MYO1D: variants seen among roughly 807,000 people sequenced by gnomAD.
The protein encoded by MYO1D is myosin ID.
A neutral mutation model predicts 122.0 loss-of-function variants in MYO1D; 83 were observed. The observed-to-expected ratio is 0.68, with a 90% CI of 0.57 to 0.82. The LOEUF is 0.82. Among genes scored for constraint, MYO1D ranks in the 40% least tolerant of loss-of-function variants. The pLI is 0.00. For synonymous variants in MYO1D, 464 were observed against 446.9 expected (o/e 1.04, Z -0.48); for missense variants, 1,157 against 1,269.5 (o/e 0.91, Z 1.35).
intron 10 of MYO1D, among the ~76,000 whole-genome samples, chr17:32,756,802 C>T (rs1044203839): frequency 6.6e-6 from 1 of 151,964 alleles, no homozygotes; most frequent in African/African-American, 2.4e-5. Context: ...CCTTTACTTC[C>T]ACAAGGTGAA....
At chr17:32,608,387 G>T (rs535439175) in intron 20 of MYO1D, among the ~76,000 whole-genome samples, 2 of 152,300 alleles carry the variant, frequency 1.3e-5, no homozygotes, top group Admixed American at 1.3e-4. Context: ...CTCAACATCA[G>T]CAGCCATTAG....
intron 16 of MYO1D, among the ~76,000 whole-genome samples, chr17:32,705,619 G>A (rs2089297638): frequency 2.0e-5 from 3 of 152,174 alleles, no homozygotes; most frequent in African/African-American, 7.2e-5. Context: ...GATAGTGGAA[G>A]ACTATACATT....
chr17:32,727,349 G>A (rs1314218810), intron 14 of MYO1D, among the ~76,000 whole-genome samples: 2 of 152,230 alleles, frequency 1.3e-5, no homozygotes, highest in Non-Finnish European at 2.9e-5. Context: ...GAACAGCTCA[G>A]AAGACATAGC....
intron 14 of MYO1D, among the ~76,000 whole-genome samples, chr17:32,728,284 C>G (rs1169534084): frequency 6.6e-6 from 1 of 151,752 alleles, no homozygotes; most frequent in African/African-American, 2.4e-5. Context: ...CAGCTCATTG[C>G]AACCTCGGAC....
At chr17:32,738,154 A>G (rs753649129) in intron 14 of MYO1D, 99 bp downstream of exon 14, 1 of 1,049,036 alleles carries the variant, frequency 9.5e-7, no homozygotes, top group Non-Finnish European at 1.3e-6. Flanking sequence ...TCTTCAATCT[A>G]CATGATTACC....
chr17:32,575,583 C>T (rs1242503482), intron 21 of MYO1D, among the ~76,000 whole-genome samples: 1 of 152,198 alleles, frequency 6.6e-6, no homozygotes, highest in Non-Finnish European at 1.5e-5. Flanking sequence ...ATAGTGAGTT[C>T]TCTATCTGCT....
intron 21 of MYO1D, among the ~76,000 whole-genome samples, chr17:32,584,224 A>G (rs1027562760): frequency 3.9e-5 from 6 of 152,188 alleles, no homozygotes; most frequent in African/African-American, 1.2e-4. Context: ...TCTGTGCTTT[A>G]AACCACTTTC....
At chr17:32,540,778 T>C (rs886630876) in intron 21 of MYO1D, among the ~76,000 whole-genome samples, 1 of 151,708 alleles carries the variant, frequency 6.6e-6, no homozygotes, top group Non-Finnish European at 1.5e-5. Context: ...ATACAAAAAT[T>C]AACTAGGCAT....
chr17:32,803,678 C>A (rs903643256), intron 1 of MYO1D, among the ~76,000 whole-genome samples: 7 of 152,104 alleles, frequency 4.6e-5, no homozygotes, highest in African/African-American at 1.7e-4. Context: ...ACACACTTTG[C>A]AAAACAATGA....
At chr17:32,832,884 G>C (rs1232367269) in intron 1 of MYO1D, among the ~76,000 whole-genome samples, 1 of 152,144 alleles carries the variant, frequency 6.6e-6, no homozygotes, top group African/African-American at 2.4e-5. Context: ...TAATTTATCT[G>C]ATCTATAAAA....
At chr17:32,561,235 G>A (rs2087122761) in intron 21 of MYO1D, among the ~76,000 whole-genome samples, 1 of 152,010 alleles carries the variant, frequency 6.6e-6, no homozygotes, top group Non-Finnish European at 1.5e-5. Context: ...TTCAAAGAGA[G>A]GTATGTTTTT....
At chr17:32,853,262 C>CCTT (rs2091003671) in intron 1 of MYO1D, among the ~76,000 whole-genome samples, 2 of 152,188 alleles carry the variant, frequency 1.3e-5, no homozygotes, top group Non-Finnish European at 2.9e-5. Context: ...CTCTCTACTT[C>CCTT]CAGCTTCAGT....
At chr17:32,553,792 T>C (rs1409843864) in intron 21 of MYO1D, among the ~76,000 whole-genome samples, 1 of 152,158 alleles carries the variant, frequency 6.6e-6, no homozygotes, top group Admixed American at 6.6e-5. Flanking sequence ...ACACATGGCT[T>C]GTTTCATTCA....
At chr17:32,818,788 T>C (rs2090635841) in intron 1 of MYO1D, among the ~76,000 whole-genome samples, 1 of 152,218 alleles carries the variant, frequency 6.6e-6, no homozygotes, top group East Asian at 1.9e-4. Context: ...TAAATTAGAC[T>C]AAGTATGCAA....
chr17:32,639,927 A>G (rs1339330076), intron 19 of MYO1D, among the ~76,000 whole-genome samples: 1 of 152,184 alleles, frequency 6.6e-6, no homozygotes, highest in Non-Finnish European at 1.5e-5. Context: ...CAATTTGAAA[A>G]CATGGTTAGC....
chr17:32,581,603 A>C (rs1597910202), intron 21 of MYO1D, among the ~76,000 whole-genome samples: 2 of 138,562 alleles, frequency 1.4e-5, no homozygotes, highest in African/African-American at 2.7e-5. Context: ...ACAGGGCCTC[A>C]CTTTGGCTAC....
At chr17:32,829,039 A>G (rs1261383000) in intron 1 of MYO1D, among the ~76,000 whole-genome samples, 1 of 152,244 alleles carries the variant, frequency 6.6e-6, no homozygotes, top group Non-Finnish European at 1.5e-5. Context: ...ACAGGAGAAA[A>G]TAAGTTAGGA....
At position 32,519,900 on chromosome 17, in the gene MYO1D, T is replaced by A. The variant is rs577228787; in HGVS notation, c.2865-24985A>T. The stretch of plus-strand genomic sequence containing the variant: ...TGGGTAAACAGCAGGCTTTTTTTTT[T>A]TAAAAAAAAAAACCAGGGCGATGTC... On this transcript the variant is annotated intron_variant, in intron 21 of 21. Coordinates refer to ENST00000318217, the MANE Select transcript of MYO1D (RefSeq NM_015194.3). 3.4e-4 allele frequency among the ~76,000 whole-genome samples: 50 copies of A among 148,480 alleles called. No individual in the cohort carries two copies. In the South Asian group the frequency reaches 4.7e-3, roughly 14 times the overall value.
In MYO1D at chr17:32,605,563, T is replaced by C. The variant is rs150510380; in HGVS notation, c.2710-322A>G. On this transcript the variant is annotated intron_variant, in intron 20 of 21. Transcript: ENST00000318217. ...GAGCAGAAATGAACAAAATTTGAAA[T>C]AGAAAAACAATACAGAAAAATTAAT... Among the ~76,000 whole-genome samples, 4 of 152,018 alleles carry C rather than the reference T, an allele frequency of 2.6e-5. No individual in the cohort carries two copies. The East Asian group carries it at 7.7e-4, about 29-fold the overall frequency.
Sources: allele counts gnomAD v4.1 joint callset (sites outside exome capture counted in the v4.1 genomes callset), GRCh38; gene constraint gnomAD v4.1.1; transcripts MANE v1.5; gene names NCBI Gene and HGNC (gene_info 2026-07-23, HGNC 2026-07-21).